Variants in NGEF observed in about 807,000 individuals in gnomAD.
NGEF encodes ephexin-1.
A neutral mutation model predicts 80.9 loss-of-function variants in NGEF; 31 were observed. The observed-to-expected ratio is 0.38, with a 90% confidence interval of 0.29 to 0.52. The LOEUF is 0.52. NGEF is among the 20% of genes least tolerant of loss of function. NGEF has a pLI of 0.84. For missense variants in NGEF, 709 were observed against 926.2 expected (o/e 0.77, Z 3.04); for synonymous variants, 371 against 370.2 (o/e 1.00, Z -0.03).
chr2:232,959,275 G>A (rs531805641), intron 3 of NGEF, among the ~76,000 whole-genome samples: 9 of 144,588 alleles, frequency 6.2e-5, no homozygotes, highest in South Asian at 4.6e-4. Context: ...CTCTCTCCCC[G>A]GTGTTTCCTG....
chr2:232,974,637 G>C lies in NGEF; in HGVS notation c.254C>G (p.Ala85Gly). Residue 85 changes from alanine to glycine, a missense_variant, in exon 2 of 15, where the codon GCC (alanine) becomes GGC (glycine). Transcript: ENST00000264051. ...CTGATACTGACCTGCCAGGCAGCTG[G>C]CGTTCCGTTCGGGGTTGTCTCTGGC... ...AKARDNPERN[A>G]SCLADSQDNG... 1 of 1,614,042 alleles carries C rather than the reference G, an allele frequency of 6.2e-7. No individual in the cohort carries two copies. Among genetic ancestry groups the C allele is most frequent in the East Asian group, 2.2e-5 (1 of 44,888 alleles).
intron 3 of NGEF, among the ~76,000 whole-genome samples, chr2:232,965,767 G>A (rs1411712971): frequency 6.6e-6 from 1 of 152,156 alleles, no homozygotes; most frequent in Admixed American, 6.5e-5. Context: ...GAATGTAATA[G>A]CGACATGTGG....
At chr2:232,884,271 G>T in intron 10 of NGEF, 127 bp from the exon 11 acceptor site, 2 of 1,100,486 alleles carry the variant, frequency 1.8e-6, no homozygotes, top group Non-Finnish European at 1.3e-6. Context: ...GGCACAAGTT[G>T]GGGGGAAAGG....
intron 9 of NGEF, among the ~76,000 whole-genome samples, chr2:232,886,680 A>T (rs1352317680): frequency 1.3e-5 from 2 of 152,288 alleles, no homozygotes; most frequent in African/African-American, 2.4e-5. Flanking sequence ...AATGAAGATG[A>T]AAGCAGAAAA....
chr2:232,881,298 C>T lies in NGEF; in HGVS notation c.1838-48G>A, dbSNP rs11683414. On this transcript the variant is annotated intron_variant, in intron 13 of 14. Coordinates refer to ENST00000264051, the MANE Select transcript of NGEF (RefSeq NM_019850.3). ...ACATCCCCACCACCGCACTACCCAC[C>T]TGCACACTCCCACCAAGCCCGCAGC... The T allele has an allele frequency of 3.2e-5, 46 of 1,449,548 alleles. 2 individuals carry two copies. The Middle Eastern group carries it at 6.2e-3, about 196-fold the overall frequency. 89.8% of individuals were successfully genotyped at this position (1,449,548 alleles called of 1,614,324 possible). A position where few individuals can be genotyped will look rare whatever the true frequency, so the allele number is the denominator to read the frequency against.
At chr2:232,970,056 A>G in intron 3 of NGEF, 158 bp downstream of exon 3, 1 of 401,946 alleles carries the variant, frequency 2.5e-6, no homozygotes, top group Non-Finnish European at 4.4e-6. Flanking sequence ...TTTTTAAATT[A>G]TGGAGTTTTT....
At chr2:233,012,756 G>C in intron 1 of NGEF, 1 of 454,674 alleles carries the variant, frequency 2.2e-6, no homozygotes, top group South Asian at 1.6e-5. Context: ...ATTGCACAGG[G>C]CCCTGCAATT....
rs769424463 is a variant in NGEF at position 232,894,747 on chromosome 2, C to G, written c.989+9G>C. 8 of 1,562,884 alleles carry G rather than the reference C, an allele frequency of 5.1e-6. No homozygotes were observed. Among genetic ancestry groups the G allele is most frequent in the Non-Finnish European group, 6.1e-6 (7 of 1,141,630 alleles). On this transcript the variant is annotated intron_variant, in intron 6 of 14. Transcript: ENST00000264051. ...CCCTGAGGGAGGTGGCTGTCCCCCC[C>G]GTCCTCACCGCTCACTGACAGCCAG...
Position 232,879,419 on chromosome 2 carries a change from AGCCC to A in NGEF, c.*66_*69del. ...GGAGGTGCTGGCCTGTGCTTCCCAG[AGCCC>A]CCCCCCCCCCACCTTCTGTCGGGGT... On this transcript the variant is annotated 3_prime_UTR_variant, in exon 15 of 15. Coordinates refer to ENST00000264051, the MANE Select transcript of NGEF (RefSeq NM_019850.3). The A allele has an allele frequency of 3.4e-6, 4 of 1,186,158 alleles. No homozygotes were observed. Among genetic ancestry groups the A allele is most frequent in the African/African-American group, 5.6e-5 (2 of 35,848 alleles). The allele number at this position is 1,186,158 out of a possible 1,614,324, so 73.5% of individuals were successfully genotyped here. A position where few individuals can be genotyped will look rare whatever the true frequency, so the allele number is the denominator to read the frequency against.
chr2:232,884,464 ACTG>A (rs1270342586), intron 10 of NGEF, among the ~76,000 whole-genome samples: 1 of 152,190 alleles, frequency 6.6e-6, no homozygotes, highest in East Asian at 1.9e-4. Context: ...GTGCATGTAC[ACTG>A]CTGTTTACAT....
intron 3 of NGEF, among the ~76,000 whole-genome samples, chr2:232,951,249 G>T (rs921331532): frequency 6.6e-6 from 1 of 152,120 alleles, no homozygotes; most frequent in Non-Finnish European, 1.5e-5. Flanking sequence ...CTTTTCAGAT[G>T]TGCATCATCC....
At chr2:232,989,577 A>G (rs1694610637) in intron 1 of NGEF, among the ~76,000 whole-genome samples, 1 of 152,228 alleles carries the variant, frequency 6.6e-6, no homozygotes, top group Non-Finnish European at 1.5e-5. Flanking sequence ...TCTAAAAACT[A>G]AAGGAGACAG....
intron 3 of NGEF, among the ~76,000 whole-genome samples, chr2:232,931,327 C>T (rs1457534910): frequency 3.3e-5 from 5 of 152,284 alleles, no homozygotes; most frequent in East Asian, 1.9e-4. Flanking sequence ...GCTCATACCA[C>T]GCTTCTCTGT....
intron 3 of NGEF, among the ~76,000 whole-genome samples, chr2:232,952,825 T>C (rs1476170627): frequency 2.0e-5 from 3 of 148,738 alleles, no homozygotes; most frequent in Non-Finnish European, 4.5e-5. Context: ...AAAAATTAGC[T>C]GGGTGTGGTG....
chr2:232,924,427 C>A (rs1328641995), intron 4 of NGEF, among the ~76,000 whole-genome samples: 5 of 152,028 alleles, frequency 3.3e-5, no homozygotes, highest in Admixed American at 2.6e-4. Context: ...AAGAAATAAA[C>A]TTCTGTTGTT....
At chr2:232,968,035 A>T (rs1292143859) in intron 3 of NGEF, among the ~76,000 whole-genome samples, 2 of 150,830 alleles carry the variant, frequency 1.3e-5, no homozygotes, top group African/African-American at 2.5e-5. Context: ...CCCTGTATCC[A>T]CTGTCCCCTT....
intron 3 of NGEF, among the ~76,000 whole-genome samples, chr2:232,931,305 C>T (rs1399960574): frequency 6.6e-6 from 1 of 152,162 alleles, no homozygotes. Flanking sequence ...TGTGCCTCTC[C>T]GTTATTTGGT....
chr2:232,943,737 C>G (rs1052973985), intron 3 of NGEF, among the ~76,000 whole-genome samples: 6 of 150,168 alleles, frequency 4.0e-5, no homozygotes, highest in African/African-American at 1.5e-4. Context: ...CCTCGTGATC[C>G]GCCCGCCTCA....
chr2:232,965,945 T>G (rs1251407899), intron 3 of NGEF, among the ~76,000 whole-genome samples: 2 of 152,116 alleles, frequency 1.3e-5, no homozygotes. Context: ...GATTCCCCAC[T>G]TCACCCTGCT....
Sources: gnomAD v4.1 joint callset for allele counts (sites outside exome capture counted in the v4.1 genomes callset) on GRCh38, gnomAD v4.1.1 for gene constraint, MANE v1.5 for transcripts, NCBI Gene and HGNC (gene_info 2026-07-23, HGNC 2026-07-21) for gene names.